Variants in PRAG1 observed in about 807,000 individuals in gnomAD.
PRAG1 encodes inactive tyrosine-protein kinase PRAG1.
A neutral mutation model predicts 95.6 loss-of-function variants in PRAG1; 110 were observed. The observed-to-expected ratio is 1.15, with a 90% CI of 0.99 to 1.35. The LOEUF (loss-of-function observed/expected upper bound fraction) is 1.35, where lower values mean the gene tolerates loss of function less well. Among genes scored for constraint, PRAG1 ranks in the 40% most tolerant of loss-of-function variants. PRAG1 has a pLI of 0.00. For synonymous variants in PRAG1, 1,052 were observed against 819.4 expected (o/e 1.28, Z -4.85); for missense variants, 2,554 against 1,864.7 (o/e 1.37, Z -6.81).
chr8:8,328,822 CGGT>C (rs1798732319), intron 4 of PRAG1, among the ~76,000 whole-genome samples: 1 of 152,132 alleles, frequency 6.6e-6, no homozygotes, highest in Non-Finnish European at 1.5e-5. Flanking sequence ...AAAGAGCAAA[CGGT>C]GGCTACTGTT....
At chr8:8,349,096 G>C (rs969540666) in intron 3 of PRAG1, among the ~76,000 whole-genome samples, 2 of 152,084 alleles carry the variant, frequency 1.3e-5, no homozygotes, top group Non-Finnish European at 2.9e-5. Context: ...ATATCTACTA[G>C]GTTGGTGCAA....
intron 3 of PRAG1, among the ~76,000 whole-genome samples, chr8:8,359,117 G>T (rs1052613073): frequency 3.9e-5 from 6 of 152,138 alleles, no homozygotes; most frequent in Admixed American, 1.3e-4. Context: ...TAACACTTAT[G>T]ATTTATTCCT....
At chr8:8,332,164 T>A (rs1435076444) in intron 4 of PRAG1, among the ~76,000 whole-genome samples, 3 of 36,948 alleles carry the variant, frequency 8.1e-5, no homozygotes, top group Non-Finnish European at 1.3e-4. Flanking sequence ...CATATTACGA[T>A]TTTTTTTTTT....
intron 4 of PRAG1, among the ~76,000 whole-genome samples, chr8:8,335,217 A>C (rs1798949483): frequency 6.6e-6 from 1 of 152,224 alleles, no homozygotes; most frequent in Non-Finnish European, 1.5e-5. Flanking sequence ...TTGCTCACCA[A>C]ATCATGCCAA....
chr8:8,371,908 G>A (rs990754087), intron 3 of PRAG1, among the ~76,000 whole-genome samples: 1 of 152,042 alleles, frequency 6.6e-6, no homozygotes, highest in African/African-American at 2.4e-5. Flanking sequence ...CACTTTCTTG[G>A]GGAAATTTTT....
intron 3 of PRAG1, among the ~76,000 whole-genome samples, chr8:8,351,096 A>G (rs1184358716): frequency 6.6e-6 from 1 of 152,198 alleles, no homozygotes; most frequent in African/African-American, 2.4e-5. Context: ...AAGAGGTTTA[A>G]TTGCCTCATG....
chr8:8,366,313 C>CT (rs36037685), intron 3 of PRAG1, among the ~76,000 whole-genome samples: 40,429 of 133,938 alleles, frequency 0.3, 6,926 homozygotes, highest in Non-Finnish European at 0.4. Context: ...CATGGGAATT[C>CT]TTTTTTTTTT....
In PRAG1 at chr8:8,371,258, C is replaced by T. The variant is rs914519990; in HGVS notation, c.2162+4989G>A. Among the ~76,000 whole-genome samples the T allele has an allele frequency of 4.6e-5, 7 of 151,626 alleles. No homozygotes were observed. In the East Asian group the frequency reaches 7.8e-4, roughly 17 times the overall value. On this transcript the variant is annotated intron_variant, in intron 3 of 5. Transcript: ENST00000615670. ...GGGTTAAAATTGAAATTCAATTGAG[C>T]GAAAACTTTCTTTTTTTTTTGAGGT...
intron 1 of PRAG1, among the ~76,000 whole-genome samples, chr8:8,382,050 C>A (rs1053906662): frequency 1.3e-5 from 2 of 152,036 alleles, no homozygotes; most frequent in African/African-American, 2.4e-5. Flanking sequence ...CTAAACATAG[C>A]CTTGTTGCTT....
chr8:8,374,750 G>T, intron 3 of PRAG1: 1 of 976,490 alleles, frequency 1.0e-6, no homozygotes, highest in Non-Finnish European at 1.2e-6. Context: ...CATGGTGGGC[G>T]GCCAGTGCAA....
intron 3 of PRAG1, among the ~76,000 whole-genome samples, chr8:8,349,535 G>A (rs1234415274): frequency 1.3e-5 from 2 of 152,018 alleles, no homozygotes; most frequent in African/African-American, 2.4e-5. Context: ...ACCTGCCTCG[G>A]CCTCCCAAAG....
At chr8:8,353,706 C>A (rs1739559770) in intron 3 of PRAG1, among the ~76,000 whole-genome samples, 1 of 152,052 alleles carries the variant, frequency 6.6e-6, no homozygotes, top group Non-Finnish European at 1.5e-5. Context: ...CTTTGGGAGG[C>A]CAAGGCTGAA....
intron 4 of PRAG1, among the ~76,000 whole-genome samples, chr8:8,328,942 T>C (rs1041065733): frequency 1.3e-5 from 2 of 152,270 alleles, no homozygotes; most frequent in African/African-American, 2.4e-5. Context: ...CATATGCAAG[T>C]ATCATAATTT....
chr8:8,377,985 G>A lies in PRAG1; in HGVS notation c.424C>T (p.Pro142Ser), dbSNP rs371444632. The change falls in exon 3 of 6, where the codon CCT becomes TCT. Residue 142 changes from proline to serine, a missense_variant. Physicochemically the swap from Pro to Ser is moderately conservative, Grantham distance 74 (BLOSUM62 -1). Coordinates refer to ENST00000615670, the MANE Select transcript of PRAG1 (RefSeq NM_001080826.3). The stretch of plus-strand genomic sequence containing the variant: ...TCAGGGGAGGTAGAGGGACCAGCAG[G>A]CTTCTGTACACCTCGGAAGCTGCCC... ...YLGSFRGVQK[P>S]AGPSTSPDGN... 1.9e-6 allele frequency: 3 copies of A among 1,612,142 alleles called. No individual in the cohort carries two copies. The highest frequency in any genetic ancestry group is 2.2e-5 in the East Asian group (1 of 44,860).
At chr8:8,335,058 T>A (rs1188093484) in intron 4 of PRAG1, among the ~76,000 whole-genome samples, 1 of 151,714 alleles carries the variant, frequency 6.6e-6, no homozygotes, top group East Asian at 1.9e-4. Flanking sequence ...AGAGCAAGAC[T>A]CTGTCTCGAA....
intron 3 of PRAG1, among the ~76,000 whole-genome samples, chr8:8,364,098 G>C (rs1033707829): frequency 6.6e-6 from 1 of 152,152 alleles, no homozygotes; most frequent in Non-Finnish European, 1.5e-5. Context: ...TATATACTCA[G>C]GAATGAAGGT....
At chr8:8,329,401 A>ATAATAG (rs1412300228) in intron 4 of PRAG1, among the ~76,000 whole-genome samples, 1 of 151,786 alleles carries the variant, frequency 6.6e-6, no homozygotes, top group East Asian at 1.9e-4. Flanking sequence ...AATAATAATA[A>ATAATAG]TAATAATGGG....
intron 2 of PRAG1, among the ~76,000 whole-genome samples, 154 bp downstream of exon 2, chr8:8,381,264 C>T (rs901940806): frequency 6.6e-6 from 1 of 152,208 alleles, no homozygotes; most frequent in Admixed American, 6.5e-5. Context: ...GCAGCTACAG[C>T]GAATCCCAGG....
At chr8:8,349,320 A>G (rs1458564907) in intron 3 of PRAG1, among the ~76,000 whole-genome samples, 1 of 151,618 alleles carries the variant, frequency 6.6e-6, no homozygotes. Context: ...TCGCTCTGTC[A>G]CCCAGGCTGG....
Sources: allele counts gnomAD v4.1 joint callset (sites outside exome capture counted in the v4.1 genomes callset), GRCh38; gene constraint gnomAD v4.1.1; transcripts MANE v1.5; gene names NCBI Gene and HGNC (gene_info 2026-07-23, HGNC 2026-07-21).